DNAAF5: variants seen among roughly 807,000 people sequenced by gnomAD.
DNAAF5 encodes HEAT repeat containing 2.
A neutral mutation model predicts 75.8 loss-of-function variants in DNAAF5; 64 were observed. The ratio of observed to expected loss-of-function variants is 0.84; its 90% CI spans 0.69 to 1.04. The LOEUF (loss-of-function observed/expected upper bound fraction) is 1.04, where lower values mean the gene tolerates loss of function less well. Among genes scored for constraint, DNAAF5 ranks in the 50% least tolerant of loss-of-function variants. The pLI, the probability that DNAAF5 is intolerant of heterozygous loss-of-function variation, is 0.00. For synonymous variants in DNAAF5, 657 were observed against 557.2 expected (o/e 1.18, Z -2.52); for missense variants, 1,269 against 1,178.5 (o/e 1.08, Z -1.12).
intron 6 of DNAAF5, among the ~76,000 whole-genome samples, chr7:758,015 TC>T (rs1782541110): frequency 6.6e-6 from 1 of 152,218 alleles, no homozygotes; most frequent in Non-Finnish European, 1.5e-5. Context: ...TGTAAGCAGT[TC>T]CTGGAATACA....
At chr7:767,192 C>G (rs1778333026) in intron 8 of DNAAF5, among the ~76,000 whole-genome samples, 1 of 147,634 alleles carries the variant, frequency 6.8e-6, no homozygotes, top group Non-Finnish European at 1.5e-5. Flanking sequence ...TGAGCCGAGA[C>G]TGTGCCACTG....
In DNAAF5 at chr7:775,030, ATGCC is replaced by A. The variant is rs778480232; in HGVS notation, c.2108_2111del (p.Met703ThrfsTer4). The A allele has an allele frequency of 3.2e-5, 51 of 1,613,828 alleles. No homozygotes were observed. The highest frequency in any genetic ancestry group is 4.1e-5 in the Non-Finnish European group (48 of 1,179,942). Reference sequence around the variant, plus strand: ...GATACGGGACGTGCAGGAAACACTGATGCCCCAGGTCCTGACCACCCTGGAGGAG... The same window carrying A: ...GATACGGGACGTGCAGGAAACACTGACCAGGTCCTGACCACCCTGGAGGAG... On this transcript the variant is annotated frameshift_variant, in exon 11 of 13. Transcript: ENST00000297440. LOFTEE classifies it high-confidence loss of function.
At position 785,530 on chromosome 7, in the gene DNAAF5, G is replaced by A; in HGVS notation, c.2445G>A (p.Glu815=). 2.5e-6 allele frequency: 4 copies of A among 1,613,774 alleles called. No homozygotes were observed. The highest frequency in any genetic ancestry group is 3.4e-6 in the Non-Finnish European group (4 of 1,179,972). The change falls in exon 13 of 13, where the codon GAG becomes GAA. Residue 815 remains glutamate (E), a synonymous_variant. Coordinates refer to ENST00000297440, the MANE Select transcript of DNAAF5 (RefSeq NM_017802.4). ...IQDAILEVLK[E]GSGLFPDLLV... is the part of the protein sequence containing the mutation. ...TCTGTTTTACAGAGGTCCTCAAAGA[G>A]GGCAGCGGGCTGTTCCCAGATCTCC...
chr7:785,851 TTCA>T lies in DNAAF5; in HGVS notation c.*201_*203del. The T allele has an allele frequency of 3.3e-6, 2 of 597,350 alleles. No homozygotes were observed. Among genetic ancestry groups the T allele is most frequent in the Non-Finnish European group, 2.8e-6 (1 of 356,872 alleles). 37.0% of individuals were successfully genotyped at this position (597,350 alleles called of 1,614,324 possible). On this transcript the variant is annotated 3_prime_UTR_variant, in exon 13 of 13. Transcript: ENST00000297440. ...TCTGCATGTTATGTGATTTGTTCTG[TTCA>T]TCGAGAGGGCTCCCAAACATCTGCA...
intron 12 of DNAAF5, among the ~76,000 whole-genome samples, chr7:783,076 T>C (rs1779028517): frequency 6.6e-6 from 1 of 152,264 alleles, no homozygotes; most frequent in Admixed American, 6.5e-5. Context: ...GTGTGAGAGC[T>C]TGACTTGTAT....
intron 2 of DNAAF5, among the ~76,000 whole-genome samples, chr7:739,469 T>A (rs1284836458): frequency 6.6e-6 from 1 of 152,026 alleles, no homozygotes; most frequent in East Asian, 1.9e-4. Flanking sequence ...CTGATTTGGG[T>A]TTCTCTTAGT....
At chr7:742,985 A>G (rs1781962577) in intron 4 of DNAAF5, among the ~76,000 whole-genome samples, 1 of 152,318 alleles carries the variant, frequency 6.6e-6, no homozygotes, top group East Asian at 1.9e-4. Context: ...CTTACTTCCC[A>G]TGTCACCTCC....
intron 12 of DNAAF5, among the ~76,000 whole-genome samples, chr7:781,001 C>T (rs1360399356): frequency 2.0e-5 from 3 of 152,040 alleles, no homozygotes; most frequent in South Asian, 2.1e-4. Flanking sequence ...ATGGGGTCCC[C>T]GTCACTTCAA....
intron 6 of DNAAF5, 101 bp from the exon 7 acceptor site, chr7:761,652 A>T: frequency 5.5e-6 from 7 of 1,276,784 alleles, no homozygotes; most frequent in Non-Finnish European, 7.5e-6. Flanking sequence ...GGTCCCTCCC[A>T]GGATACGTGG....
chr7:735,023 T>TGGTGTAGCTGCTCAC lies in DNAAF5; in HGVS notation c.780+5192_780+5206dup, dbSNP rs1438294361. ...ATGTCATTGCTCACGGTGTAGTTCA[T>TGGTGTAGCTGCTCAC]GGTGTAGCTGCTCACGGTGTAGCTG... On this transcript the variant is annotated intron_variant, in intron 2 of 12. Transcript: ENST00000297440. Among the ~76,000 whole-genome samples the TGGTGTAGCTGCTCAC allele has an allele frequency of 5.3e-5, 8 of 151,868 alleles. 1 individual carries two copies. The highest frequency in any genetic ancestry group is 4.2e-4 in the South Asian group (2 of 4,774).
At chr7:757,163 G>T (rs1042439300) in intron 6 of DNAAF5, among the ~76,000 whole-genome samples, 169 bp downstream of exon 6, 1 of 152,236 alleles carries the variant, frequency 6.6e-6, no homozygotes, top group East Asian at 1.9e-4. Context: ...CCGGGCCATC[G>T]GAAACACCTG....
chr7:736,653 C>T (rs929498370), intron 2 of DNAAF5, among the ~76,000 whole-genome samples: 3 of 152,196 alleles, frequency 2.0e-5, no homozygotes, highest in African/African-American at 4.8e-5. Context: ...TTTCTTTACC[C>T]ATTCAGCCGC....
chr7:730,857 G>A (rs574620303), intron 2 of DNAAF5, among the ~76,000 whole-genome samples: 117 of 152,328 alleles, frequency 7.7e-4, no homozygotes, highest in African/African-American at 2.7e-3. Flanking sequence ...CACCATGTAC[G>A]CTGGCCGGCC....
chr7:741,171 C>A lies in DNAAF5; in HGVS notation c.906-176C>A, dbSNP rs139811337. ...GAGATCAGACGGCCCCCTTTGTGTA[C>A]TGTCAGTAGAGTGCTCACAAGATGA... On this transcript the variant is annotated intron_variant, in intron 3 of 12. Coordinates refer to ENST00000297440, the MANE Select transcript of DNAAF5 (RefSeq NM_017802.4). Among the ~76,000 whole-genome samples the A allele has an allele frequency of 2.4e-3, 365 of 152,348 alleles. 4 individuals are homozygous for A. The highest frequency in any genetic ancestry group is 8.2e-3 in the African/African-American group (342 of 41,582).
intron 9 of DNAAF5, chr7:771,390 G>C (rs555500412): frequency 6.6e-6 from 1 of 152,406 alleles, no homozygotes; most frequent in Admixed American, 6.5e-5. Context: ...GGTGCCGTCA[G>C]CTGGGTCCTA....
At chr7:752,722 G>T (rs571948266) in intron 4 of DNAAF5, among the ~76,000 whole-genome samples, 1 of 152,362 alleles carries the variant, frequency 6.6e-6, no homozygotes, top group African/African-American at 2.4e-5. Flanking sequence ...GTAAAGCAAT[G>T]TGTGGACTTC....
chr7:757,528 C>T (rs1262997474), intron 6 of DNAAF5, among the ~76,000 whole-genome samples: 1 of 152,254 alleles, frequency 6.6e-6, no homozygotes, highest in African/African-American at 2.4e-5. Flanking sequence ...CCTGGCGTTC[C>T]GATCTGTGCT....
At chr7:742,974 A>G (rs1209908996) in intron 4 of DNAAF5, among the ~76,000 whole-genome samples, 5 of 152,380 alleles carry the variant, frequency 3.3e-5, no homozygotes, top group Admixed American at 6.5e-5. Flanking sequence ...TGCAGTCTCA[A>G]CTTACTTCCC....
chr7:783,452 G>A (rs572671914), intron 12 of DNAAF5, among the ~76,000 whole-genome samples: 3 of 152,194 alleles, frequency 2.0e-5, no homozygotes, highest in African/African-American at 2.4e-5. Context: ...GCCTGGCTTT[G>A]ACTCACAGAC....
Sources: allele counts gnomAD v4.1 joint callset (sites outside exome capture counted in the v4.1 genomes callset), GRCh38; gene constraint gnomAD v4.1.1; transcripts MANE v1.5; gene names NCBI Gene and HGNC (gene_info 2026-07-23, HGNC 2026-07-21).